The following PLGRKT variants were observed in gnomAD, a reference collection of about 807,000 sequenced individuals.
The protein encoded by PLGRKT is plasminogen receptor with a C-terminal lysine, also known as plasminogen receptor (KT).
Under a neutral mutation model 18.5 loss-of-function variants are expected in PLGRKT, and 22 were observed. That is an observed-to-expected ratio of 1.19 (90% CI 0.85 to 1.70). The LOEUF (loss-of-function observed/expected upper bound fraction) is 1.70. Ranked by LOEUF, PLGRKT falls within the 40% of genes most tolerant of loss-of-function variation. PLGRKT has a pLI of 0.00. For synonymous variants in PLGRKT, 72 were observed against 52.8 expected (o/e 1.36, Z -1.58); for missense variants, 235 against 174.4 (o/e 1.35, Z -1.96).
chr9:5,376,482 T>G (rs1817630294), intron 3 of PLGRKT, among the ~76,000 whole-genome samples: 1 of 152,196 alleles, frequency 6.6e-6, no homozygotes, highest in Non-Finnish European at 1.5e-5. Flanking sequence ...GACTTCATTA[T>G]TAATGAGAAT....
intron 3 of PLGRKT, among the ~76,000 whole-genome samples, chr9:5,380,720 T>C (rs1287327583): frequency 1.3e-5 from 2 of 152,266 alleles, no homozygotes; most frequent in African/African-American, 4.8e-5. Flanking sequence ...TTTTCTCTTT[T>C]GTTCTCTTGC....
chr9:5,403,312 C>T (rs1201915811), intron 3 of PLGRKT, among the ~76,000 whole-genome samples: 1 of 150,844 alleles, frequency 6.6e-6, no homozygotes, highest in Non-Finnish European at 1.5e-5. Flanking sequence ...CAACCTCTGC[C>T]TCCCGGGTTC....
chr9:5,359,232 A>AT (rs1399340394), intron 5 of PLGRKT, among the ~76,000 whole-genome samples: 1 of 151,610 alleles, frequency 6.6e-6, no homozygotes, highest in Non-Finnish European at 1.5e-5. Context: ...AATTTTTTGT[A>AT]TTTTTCATAG....
At chr9:5,436,069 C>A (rs951262921) in intron 2 of PLGRKT, among the ~76,000 whole-genome samples, 3 of 152,230 alleles carry the variant, frequency 2.0e-5, no homozygotes, top group African/African-American at 7.2e-5. Context: ...TTTCCCTCCC[C>A]TTCTGCCACT....
intron 3 of PLGRKT, among the ~76,000 whole-genome samples, chr9:5,411,631 C>A (rs1229745809): frequency 1.3e-5 from 2 of 152,172 alleles, no homozygotes; most frequent in Admixed American, 6.5e-5. Context: ...GAATCCACAG[C>A]CCTCAGTAGC....
At chr9:5,403,605 T>C (rs1818199063) in intron 3 of PLGRKT, among the ~76,000 whole-genome samples, 1 of 152,260 alleles carries the variant, frequency 6.6e-6, no homozygotes, top group African/African-American at 2.4e-5. Context: ...AAGATTGTTC[T>C]ACTAAAGCAC....
intron 3 of PLGRKT, among the ~76,000 whole-genome samples, chr9:5,417,831 CT>C (rs937620993): frequency 2.6e-5 from 4 of 151,994 alleles, no homozygotes; most frequent in African/African-American, 9.7e-5. Flanking sequence ...TCCATTTTGA[CT>C]TGTTTTGCTG....
At chr9:5,394,363 C>T (rs1818005940) in intron 3 of PLGRKT, among the ~76,000 whole-genome samples, 1 of 151,824 alleles carries the variant, frequency 6.6e-6, no homozygotes, top group Admixed American at 6.6e-5. Context: ...AGGGAGAAAA[C>T]ATGAACTGAA....
At chr9:5,364,522 C>G (rs772517507) in intron 3 of PLGRKT, among the ~76,000 whole-genome samples, 30 of 152,086 alleles carry the variant, frequency 2.0e-4, no homozygotes, top group Non-Finnish European at 3.5e-4. Context: ...GCCAAAAGGG[C>G]AAGGGATGCA....
At chr9:5,411,329 G>A (rs140015063) in intron 3 of PLGRKT, among the ~76,000 whole-genome samples, 8 of 149,086 alleles carry the variant, frequency 5.4e-5, no homozygotes, top group Non-Finnish European at 8.9e-5. Context: ...AGGTTGCAGC[G>A]AGCCAAGGTT....
chr9:5,366,965 G>C (rs185549865), intron 3 of PLGRKT, among the ~76,000 whole-genome samples: 128 of 150,144 alleles, frequency 8.5e-4, no homozygotes, highest in Non-Finnish European at 1.5e-3. Context: ...CACCAATAAT[G>C]GTCATGCTGA....
intron 3 of PLGRKT, among the ~76,000 whole-genome samples, chr9:5,404,651 A>G (rs945074561): frequency 6.6e-6 from 1 of 152,216 alleles, no homozygotes; most frequent in African/African-American, 2.4e-5. Context: ...GCCATTTATG[A>G]CAAACCCACA....
chr9:5,407,207 G>T (rs1458039293), intron 3 of PLGRKT, among the ~76,000 whole-genome samples: 1 of 152,084 alleles, frequency 6.6e-6, no homozygotes, highest in Non-Finnish European at 1.5e-5. Flanking sequence ...CAAAAATTCA[G>T]ATGCTAAATG....
intron 3 of PLGRKT, among the ~76,000 whole-genome samples, chr9:5,412,972 C>T (rs138660336): frequency 4.7e-4 from 72 of 152,202 alleles, no homozygotes; most frequent in African/African-American, 1.4e-3. Flanking sequence ...AAATGGCCCT[C>T]AAATGTGAGA....
chr9:5,359,551 T>G (rs931280983), intron 5 of PLGRKT, among the ~76,000 whole-genome samples: 12 of 152,240 alleles, frequency 7.9e-5, no homozygotes, highest in African/African-American at 2.9e-4. Flanking sequence ...GAGAGAGCCT[T>G]TCTTCCAGTT....
chr9:5,364,979 G>C (rs1029522403), intron 3 of PLGRKT, among the ~76,000 whole-genome samples: 2 of 152,192 alleles, frequency 1.3e-5, no homozygotes, highest in Non-Finnish European at 2.9e-5. Flanking sequence ...TGCATGCATA[G>C]ATTAGGCATT....
chr9:5,376,542 T>C (rs1014561248), intron 3 of PLGRKT, among the ~76,000 whole-genome samples: 1 of 152,136 alleles, frequency 6.6e-6, no homozygotes, highest in Admixed American at 6.5e-5. Flanking sequence ...AACAACAACA[T>C]TAAAATTTAA....
At chr9:5,363,681 G>C (rs961996861) in intron 3 of PLGRKT, among the ~76,000 whole-genome samples, 1 of 152,138 alleles carries the variant, frequency 6.6e-6, no homozygotes, top group Non-Finnish European at 1.5e-5. Flanking sequence ...CATCTGGCTA[G>C]ATGTGCCTTC....
intron 3 of PLGRKT, among the ~76,000 whole-genome samples, chr9:5,421,680 G>A (rs1286692291): frequency 1.3e-5 from 2 of 152,224 alleles, no homozygotes; most frequent in East Asian, 3.8e-4. Flanking sequence ...ATTCTTGTAT[G>A]TGGGACATCT....
Sources: gnomAD v4.1 joint callset for allele counts (sites outside exome capture counted in the v4.1 genomes callset) on GRCh38, gnomAD v4.1.1 for gene constraint, MANE v1.5 for transcripts, NCBI Gene and HGNC (gene_info 2026-07-23, HGNC 2026-07-21) for gene names.